STT3B: variants seen among roughly 807,000 people sequenced by gnomAD.
STT3B encodes the protein dolichyl-diphosphooligosaccharide--protein glycosyltransferase subunit STT3B.
In STT3B, 29 loss-of-function variants were observed where a neutral mutation model predicts 96.8. The ratio of observed to expected loss-of-function variants is 0.30; its 90% CI spans 0.22 to 0.41. The LOEUF (loss-of-function observed/expected upper bound fraction) is 0.41. Ranked by LOEUF, STT3B falls within the 10% of genes least tolerant of loss-of-function variation. The pLI is 1.00. For missense variants in STT3B, 640 were observed against 1,022.3 expected, an observed-to-expected ratio of 0.63 and a Z score of 5.10; for synonymous variants, 367 against 360.0, an observed-to-expected ratio of 1.02 and a Z score of -0.22.
intron 2 of STT3B, among the ~76,000 whole-genome samples, chr3:31,579,223 A>G (rs1698326765): frequency 2.0e-5 from 3 of 152,002 alleles, no homozygotes. Context: ...GTCCCAAAAC[A>G]TTATCTCTGG....
chr3:31,537,769 G>A (rs368716581), intron 1 of STT3B, among the ~76,000 whole-genome samples: 60 of 152,260 alleles, frequency 3.9e-4, no homozygotes, highest in African/African-American at 1.4e-3. Context: ...AGTTGTTAAT[G>A]AATATGGGCT....
chr3:31,537,390 G>A (rs550335255), intron 1 of STT3B, among the ~76,000 whole-genome samples: 3 of 152,290 alleles, frequency 2.0e-5, no homozygotes, highest in South Asian at 4.1e-4. Flanking sequence ...ATCTTAAAAA[G>A]TCACTTTGTG....
chr3:31,594,137 A>G (rs1698733584), intron 3 of STT3B, among the ~76,000 whole-genome samples: 1 of 152,090 alleles, frequency 6.6e-6, no homozygotes. Context: ...CTCAATCCAT[A>G]TTTTTTCTCT....
rs1203144050 is a variant in STT3B at position 31,572,015 on chromosome 3, CATATTAATAT to C, written c.315-4368_315-4359del. 7.7e-4 allele frequency among the ~76,000 whole-genome samples: 101 copies of C among 131,932 alleles called. 1 individual carries two copies. In the East Asian group the frequency reaches 0.012, roughly 16 times the overall value. 86.6% of individuals were successfully genotyped at this position (131,932 alleles called of 152,430 possible). A position where few individuals can be genotyped will look rare whatever the true frequency, so the allele number is the denominator to read the frequency against. On this transcript the variant is annotated intron_variant, in intron 1 of 15. Transcript: ENST00000295770. ...ATTAATACATAATTATTTTATTAAA[CATATTAATAT>C]ATATTAATATATGATATATTAATAT...
intron 13 of STT3B, 161 bp from the exon 14 acceptor site, chr3:31,629,137 G>T: frequency 1.7e-6 from 1 of 582,536 alleles, no homozygotes; most frequent in Non-Finnish European, 3.0e-6. Flanking sequence ...CTTATAACAT[G>T]GTTCGAAGTC....
chr3:31,534,137 A>G (rs1014591185), intron 1 of STT3B, among the ~76,000 whole-genome samples: 1 of 152,192 alleles, frequency 6.6e-6, no homozygotes, highest in East Asian at 1.9e-4. Flanking sequence ...TGTTATGCAC[A>G]GTATCTGAAA....
chr3:31,607,566 C>T (rs867150054), intron 5 of STT3B, among the ~76,000 whole-genome samples: 9 of 152,174 alleles, frequency 5.9e-5, no homozygotes, highest in Admixed American at 3.3e-4. Context: ...CCACATGGAA[C>T]TGTGAGCATT....
Position 31,616,957 on chromosome 3 carries a change from T to C in STT3B, c.1005T>C (p.Ala335=). The C allele has an allele frequency of 6.2e-7, 1 of 1,611,382 alleles. No homozygotes were observed. Among genetic ancestry groups the C allele is most frequent in the Non-Finnish European group, 8.5e-7 (1 of 1,177,974 alleles). ...AGVFALLQAY[A]FLQYLRDRLT... Reference sequence around the variant, plus strand: ...TCTTTGCATTGCTGCAAGCTTATGCTTTCTTGCAGTATCTGAGAGACCGAT... The same window carrying C: ...TCTTTGCATTGCTGCAAGCTTATGCCTTCTTGCAGTATCTGAGAGACCGAT... Residue 335 remains alanine (A), a synonymous_variant, in exon 7 of 16, where the codon GCT becomes GCC. Transcript: ENST00000295770.
chr3:31,611,718 A>G (rs1699184956), intron 5 of STT3B, among the ~76,000 whole-genome samples: 1 of 152,052 alleles, frequency 6.6e-6, no homozygotes. Flanking sequence ...GCTGGTCTCA[A>G]ATTCCCAACC....
rs148041546 is a variant in STT3B, at chr3:31,614,530, G to C, written c.878-575G>C. Among the ~76,000 whole-genome samples the C allele has an allele frequency of 2.6e-4, 39 of 152,002 alleles. 1 individual carries two copies. Among genetic ancestry groups the C allele is most frequent in the African/African-American group, 8.9e-4 (37 of 41,524 alleles). ...TATTAGATGCTAAATTCAGTAGCTG[G>C]TCTGTATAATGGCTTGACTTCTGTG... On this transcript the variant is annotated intron_variant, in intron 5 of 15. Transcript: ENST00000295770.
At chr3:31,582,077 C>G (rs1698418183) in intron 3 of STT3B, among the ~76,000 whole-genome samples, 1 of 152,102 alleles carries the variant, frequency 6.6e-6, no homozygotes, top group Non-Finnish European at 1.5e-5. Flanking sequence ...AGTCTTCTCT[C>G]TTTTTTACTT....
Position 31,632,442 on chromosome 3 carries a change from T to A in STT3B, c.2188-493T>A, listed in dbSNP as rs573917318. ...GTTATGGGGTAAAAGAACAAGATGC[T>A]ATGAGGAAACAATAAAGGAGATTTG... On this transcript the variant is annotated intron_variant, in intron 14 of 15. Transcript: ENST00000295770. Among the ~76,000 whole-genome samples, 4 of 152,276 alleles carry A rather than the reference T, an allele frequency of 2.6e-5. No homozygotes were observed. The South Asian group carries it at 8.3e-4, about 32-fold the overall frequency.
chr3:31,569,089 A>T (rs1698077570), intron 1 of STT3B, among the ~76,000 whole-genome samples: 1 of 152,138 alleles, frequency 6.6e-6, no homozygotes, highest in African/African-American at 2.4e-5. Context: ...AGCTCACTGC[A>T]GCCTCAAACT....
chr3:31,539,282 T>C (rs1697173923), intron 1 of STT3B, among the ~76,000 whole-genome samples: 1 of 152,200 alleles, frequency 6.6e-6, no homozygotes, highest in Non-Finnish European at 1.5e-5. Flanking sequence ...TCTATTTCTT[T>C]TCTTTCTGTG....
chr3:31,534,231 G>A (rs557762962), intron 1 of STT3B, among the ~76,000 whole-genome samples: 2 of 152,214 alleles, frequency 1.3e-5, no homozygotes, highest in African/African-American at 4.8e-5. Flanking sequence ...GTCCTAGATT[G>A]TAATACCGAA....
intron 11 of STT3B, among the ~76,000 whole-genome samples, chr3:31,624,179 G>T (rs991773507): frequency 6.6e-6 from 1 of 151,724 alleles, no homozygotes; most frequent in South Asian, 2.1e-4. Context: ...AATTATTTTT[G>T]ACTGTAATCA....
rs112946931 is a variant in STT3B at position 31,598,865 on chromosome 3, A to T, written c.778-1495A>T. ...GCTCTTGTTGCCCAGGCTGGAGTGC[A>T]ATGGCATGATCTCAGCTCACTGCAG... On this transcript the variant is annotated intron_variant, in intron 4 of 15. Transcript: ENST00000295770. Among the ~76,000 whole-genome samples the T allele has an allele frequency of 2.6e-3, 395 of 151,516 alleles. 2 individuals carry two copies. Among genetic ancestry groups the T allele is most frequent in the African/African-American group, 9.4e-3 (387 of 41,222 alleles).
intron 15 of STT3B, among the ~76,000 whole-genome samples, chr3:31,635,351 C>T (rs1043183784): frequency 3.3e-5 from 5 of 151,980 alleles, no homozygotes; most frequent in African/African-American, 7.3e-5. Context: ...TACTAGGAAA[C>T]GTCTATTGAA....
chr3:31,573,158 G>A (rs1384589077), intron 1 of STT3B, among the ~76,000 whole-genome samples: 1 of 152,058 alleles, frequency 6.6e-6, no homozygotes, highest in African/African-American at 2.4e-5. Flanking sequence ...AAAGAAGAGA[G>A]GTAATACGGT....
Sources: gnomAD v4.1 joint callset for allele counts (sites outside exome capture counted in the v4.1 genomes callset) on GRCh38, gnomAD v4.1.1 for gene constraint, MANE v1.5 for transcripts, NCBI Gene and HGNC (gene_info 2026-07-23, HGNC 2026-07-21) for gene names.